MTHFD1: variants seen among roughly 807,000 people sequenced by gnomAD.
MTHFD1 encodes methylenetetrahydrofolate dehydrogenase, cyclohydrolase and formyltetrahydrofolate synthetase 1.
MTHFD1 carries 44 observed loss-of-function variants against 110.3 expected under a neutral mutation model. That is an observed-to-expected ratio of 0.40 (90% CI 0.31 to 0.51). The LOEUF (loss-of-function observed/expected upper bound fraction) is 0.51. Among genes scored for constraint, MTHFD1 ranks in the 20% least tolerant of loss-of-function variants. The probability of loss-of-function intolerance (pLI) is 0.60; values close to 1 mark genes in which losing one functional copy is unlikely to be tolerated. For missense variants in MTHFD1, 909 were observed against 1,173.1 expected (o/e 0.77, Z 3.29); for synonymous variants, 402 against 428.8 (o/e 0.94, Z 0.77).
At chr14:64,457,583 G>C (rs1027309867) in intron 26 of MTHFD1, among the ~76,000 whole-genome samples, 1 of 151,736 alleles carries the variant, frequency 6.6e-6, no homozygotes, top group Non-Finnish European at 1.5e-5. Flanking sequence ...AGCCTCCCAA[G>C]TAGCTGGGAT....
At chr14:64,411,484 T>A (rs185238842) in intron 3 of MTHFD1, among the ~76,000 whole-genome samples, 1 of 152,302 alleles carries the variant, frequency 6.6e-6, no homozygotes, top group East Asian at 1.9e-4. Flanking sequence ...GATTTCGAGT[T>A]CTCCAAATTT....
intron 2 of MTHFD1, among the ~76,000 whole-genome samples, chr14:64,407,534 C>G (rs2077944319): frequency 7.4e-6 from 1 of 135,810 alleles, no homozygotes; most frequent in African/African-American, 2.7e-5. Flanking sequence ...ATTAGTATCT[C>G]TCACTCTCTC....
At chr14:64,442,025 C>T (rs373316848) in intron 19 of MTHFD1, 29 bp from the exon 20 acceptor site, 1 of 1,489,242 alleles carries the variant, frequency 6.7e-7, no homozygotes, top group African/African-American at 1.4e-5. Flanking sequence ...GGATTGGCAG[C>T]TCAGCTCACG....
intron 22 of MTHFD1, among the ~76,000 whole-genome samples, chr14:64,446,398 A>G (rs966375768): frequency 2.0e-5 from 3 of 152,206 alleles, no homozygotes; most frequent in Non-Finnish European, 4.4e-5. Context: ...TATATGTCAT[A>G]ATTCATTGGC....
intron 1 of MTHFD1, among the ~76,000 whole-genome samples, chr14:64,392,638 C>G (rs984470368): frequency 1.6e-4 from 25 of 152,122 alleles, no homozygotes; most frequent in African/African-American, 5.8e-4. Context: ...AGAGCCTAAG[C>G]ACGGTGCTGC....
At position 64,437,889 on chromosome 14, in the gene MTHFD1, T is replaced by C. The variant is rs115051226; in HGVS notation, c.1598-1207T>C. Among the ~76,000 whole-genome samples the C allele has an allele frequency of 4.5e-3, 678 of 152,294 alleles. 3 individuals carry two copies. Among genetic ancestry groups the C allele is most frequent in the African/African-American group, 0.015 (630 of 41,570 alleles). The stretch of plus-strand genomic sequence containing the variant: ...ATCATGTTGTTCAAGAGTTTTTTTT[T>C]TGAGACGGAGTTTTGTTCTTGTTGC... On this transcript the variant is annotated intron_variant, in intron 16 of 27. Coordinates refer to ENST00000652337, the MANE Select transcript of MTHFD1 (RefSeq NM_005956.4).
At chr14:64,434,645 C>T (rs1446081357) in intron 15 of MTHFD1, among the ~76,000 whole-genome samples, 1 of 152,166 alleles carries the variant, frequency 6.6e-6, no homozygotes, top group Non-Finnish European at 1.5e-5. Context: ...CTGCTTTGCA[C>T]AGCTTGCACA....
At chr14:64,446,355 C>T (rs551106828) in intron 22 of MTHFD1, among the ~76,000 whole-genome samples, 26 of 152,294 alleles carry the variant, frequency 1.7e-4, no homozygotes, top group Non-Finnish European at 3.4e-4. Flanking sequence ...GTCTCACTTT[C>T]ATAACATCTG....
intron 15 of MTHFD1, among the ~76,000 whole-genome samples, chr14:64,435,258 G>A (rs892840849): frequency 2.6e-5 from 4 of 151,976 alleles, no homozygotes; most frequent in African/African-American, 9.7e-5. Context: ...TTCACGCCTA[G>A]CTGAAGCTCT....
At chr14:64,437,768 A>C (rs1488417119) in intron 16 of MTHFD1, among the ~76,000 whole-genome samples, 1 of 152,200 alleles carries the variant, frequency 6.6e-6, no homozygotes, top group Non-Finnish European at 1.5e-5. Context: ...GTTTATTATA[A>C]AGGATACAGC....
At chr14:64,391,113 C>T (rs1454529285) in intron 1 of MTHFD1, among the ~76,000 whole-genome samples, 1 of 152,178 alleles carries the variant, frequency 6.6e-6, no homozygotes, top group Non-Finnish European at 1.5e-5. Context: ...CTAACCAGCA[C>T]TTACTACTTG....
chr14:64,410,785 A>G (rs2077977851), intron 2 of MTHFD1, among the ~76,000 whole-genome samples: 1 of 151,944 alleles, frequency 6.6e-6, no homozygotes, highest in Non-Finnish European at 1.5e-5. Context: ...CAGAAATCCC[A>G]CATGTTTCTA....
chr14:64,440,342 A>C, intron 18 of MTHFD1, 76 bp downstream of exon 18: 2 of 1,536,684 alleles, frequency 1.3e-6, no homozygotes, highest in Non-Finnish European at 1.8e-6. Context: ...GTTATTAATA[A>C]CAAAATGTAA....
At chr14:64,396,048 A>G (rs1267837739) in intron 1 of MTHFD1, among the ~76,000 whole-genome samples, 5 of 152,218 alleles carry the variant, frequency 3.3e-5, no homozygotes, top group Admixed American at 2.6e-4. Context: ...TCAATGAAGC[A>G]TAAAATAGCT....
chr14:64,457,771 G>GT (rs1003724304), intron 26 of MTHFD1, among the ~76,000 whole-genome samples: 6 of 152,126 alleles, frequency 3.9e-5, no homozygotes, highest in Admixed American at 2.0e-4. Flanking sequence ...CAGTTTCTGA[G>GT]TTTTTTAACA....
chr14:64,441,650 C>CA (rs1176515203), intron 19 of MTHFD1, 197 bp downstream of exon 19: 41 of 590,074 alleles, frequency 6.9e-5, no homozygotes, highest in Non-Finnish European at 9.5e-5. Context: ...ACTAAAAATA[C>CA]AAAAAATTAG....
chr14:64,397,138 AATATATATATATATATATATATATAT>A (rs1182197415), intron 1 of MTHFD1, among the ~76,000 whole-genome samples: 6 of 11,946 alleles, frequency 5.0e-4, no homozygotes, highest in East Asian at 2.6e-3. Context: ...AAAAAAAAAA[AATATATATATATATATATATATATAT>A]ATATATATAT....
intron 13 of MTHFD1, among the ~76,000 whole-genome samples, chr14:64,430,487 G>A (rs1395410687): frequency 1.3e-5 from 2 of 149,638 alleles, no homozygotes; most frequent in African/African-American, 5.1e-5. Context: ...TAGTAGAGAC[G>A]GGGTTTCACC....
chr14:64,416,241 T>C (rs893284553), intron 6 of MTHFD1, among the ~76,000 whole-genome samples: 32 of 150,374 alleles, frequency 2.1e-4, no homozygotes, highest in African/African-American at 6.3e-4. Context: ...CGAGACTCTG[T>C]CTCTAAAATA....
Sources: allele counts gnomAD v4.1 joint callset (sites outside exome capture counted in the v4.1 genomes callset), GRCh38; gene constraint gnomAD v4.1.1; transcripts MANE v1.5; gene names NCBI Gene and HGNC (gene_info 2026-07-23, HGNC 2026-07-21).